The following TJP2 variants were observed in gnomAD, a reference collection of about 807,000 sequenced individuals.
TJP2 encodes Friedreich ataxia region gene X104 (tight junction protein ZO-2).
In TJP2, 91 loss-of-function variants were observed where a neutral mutation model predicts 133.1. That is an observed-to-expected ratio of 0.68 (90% CI 0.58 to 0.81). The LOEUF is 0.81. Among genes scored for constraint, TJP2 ranks in the 40% least tolerant of loss-of-function variants. TJP2 has a pLI of 0.00. For synonymous variants in TJP2, 592 were observed against 583.4 expected (o/e 1.01, Z -0.21); for missense variants, 1,541 against 1,565.6 (o/e 0.98, Z 0.26).
chr9:69,172,797 T>C (rs971432843), upstream of TJP2, among the ~76,000 whole-genome samples: 3 of 152,194 alleles, frequency 2.0e-5, no homozygotes, highest in Non-Finnish European at 4.4e-5. Context: ...GGTCTCAAAC[T>C]CGTGGGCTCA....
At chr9:69,165,133 TTC>T (rs1824281476) in intron 2 of TJP2, among the ~76,000 whole-genome samples, 2 of 151,960 alleles carry the variant, frequency 1.3e-5, no homozygotes, top group Non-Finnish European at 2.9e-5. Flanking sequence ...CCTGGCTGGA[TTC>T]TTTCTTTTTT....
rs1822240049 is a variant in TJP2 at position 69,123,774 on chromosome 9, ATC to A, written c.-131+2051_-131+2052del. ...ATTAACTAGGCATAGATGCTTGATG[ATC>A]TGTAACTCTGTGATTCTTTTAACTG... On this transcript the variant is annotated intron_variant, in intron 1 of 5. Coordinates refer to the TJP2 transcript ENST00000423935. Among the ~76,000 whole-genome samples the A allele has an allele frequency of 2.6e-5, 2 of 77,632 alleles. 1 individual carries two copies. The allele number at this position is 77,632 out of a possible 152,430, so 50.9% of individuals were successfully genotyped here.
In TJP2 at chr9:69,221,538, T is replaced by C. The variant is rs199867338; in HGVS notation, c.952+42T>C. 9.4e-5 allele frequency: 149 copies of C among 1,578,888 alleles called. No homozygotes were observed. The African/African-American group carries it at 1.7e-3, about 18-fold the overall frequency. ...TGGGAAGAAAAGCACTGTTGTGATATGAATAACCTTTGTTTTCTTAATTTT... is the reference window on the plus strand; with the variant it reads ...TGGGAAGAAAAGCACTGTTGTGATACGAATAACCTTTGTTTTCTTAATTTT... On this transcript the variant is annotated intron_variant, in intron 5 of 22. Transcript: ENST00000377245.
At chr9:69,174,258 G>A, upstream of TJP2, 1 of 1,525,200 alleles carries the variant, frequency 6.6e-7, no homozygotes, top group Non-Finnish European at 8.8e-7. Flanking sequence ...TCGGCACCCC[G>A]GCGGTTGGGC....
upstream of TJP2, chr9:69,174,227 A>C: frequency 6.8e-7 from 1 of 1,475,328 alleles, no homozygotes; most frequent in Non-Finnish European, 9.0e-7. Context: ...GAGGAGGGAC[A>C]AAGGGGTGGG....
At chr9:69,234,643 A>G (rs1830049922) in intron 12 of TJP2, 96 bp downstream of exon 12, 1 of 930,954 alleles carries the variant, frequency 1.1e-6, no homozygotes, top group Non-Finnish European at 1.7e-6. Flanking sequence ...AAATCTGGGT[A>G]TTAAAAAATT....
upstream of TJP2, among the ~76,000 whole-genome samples, chr9:69,171,993 C>T (rs1162517415): frequency 6.6e-6 from 1 of 152,004 alleles, no homozygotes; most frequent in African/African-American, 2.4e-5. Flanking sequence ...GACGGGGTCT[C>T]ACCATGTTGG....
chr9:69,228,232 T>A (rs1588112920), intron 9 of TJP2, 118 bp downstream of exon 9: 2 of 1,251,022 alleles, frequency 1.6e-6, no homozygotes, highest in Non-Finnish European at 2.3e-6. Flanking sequence ...TGGAGGCCAT[T>A]ATCCTAAGCT....
chr9:69,194,274 T>G (rs569086803), intron 1 of TJP2, among the ~76,000 whole-genome samples: 38 of 152,304 alleles, frequency 2.5e-4, no homozygotes, highest in African/African-American at 9.1e-4. Context: ...TACTATTTTT[T>G]TCTTAATACC....
At chr9:69,192,038 G>A (rs1256573097) in intron 1 of TJP2, among the ~76,000 whole-genome samples, 2 of 151,850 alleles carry the variant, frequency 1.3e-5, no homozygotes, top group African/African-American at 2.4e-5. Context: ...ATGCCCAGCC[G>A]TATGTTTTAA....
chr9:69,135,742 A>G (rs558318780), intron 1 of TJP2, among the ~76,000 whole-genome samples: 1 of 152,262 alleles, frequency 6.6e-6, no homozygotes, highest in East Asian at 1.9e-4. Flanking sequence ...AGTAGCTGGG[A>G]CTATAGGCTC....
chr9:69,157,949 G>T (rs1313548422), intron 2 of TJP2, among the ~76,000 whole-genome samples: 2 of 152,048 alleles, frequency 1.3e-5, no homozygotes, highest in Non-Finnish European at 2.9e-5. Flanking sequence ...AGGTTCTGAA[G>T]CATAATTTAA....
Position 69,237,896 on chromosome 9 carries a change from T to C in TJP2, c.2198T>C (p.Val733Ala), listed in dbSNP as rs1215998471. Reference sequence around the variant, plus strand: ...ATTTCAGCTGGTTTCAAGAGACCTGTGGTCTTATTCGGCCCCATAGCTGAT... The same window carrying C: ...ATTTCAGCTGGTTTCAAGAGACCTGCGGTCTTATTCGGCCCCATAGCTGAT... ...LLREAGFKRP[V>A]VLFGPIADIA... Residue 733 changes from valine to alanine, a missense_variant, in exon 15 of 23, where the codon GTG becomes GCG. Transcript: ENST00000377245. 6.2e-7 allele frequency: 1 copy of C among 1,613,812 alleles called. No homozygotes were observed. The highest frequency in any genetic ancestry group is 8.5e-7 in the Non-Finnish European group (1 of 1,179,738).
At chr9:69,134,928 A>G (rs1045650705) in intron 1 of TJP2, among the ~76,000 whole-genome samples, 3 of 151,656 alleles carry the variant, frequency 2.0e-5, no homozygotes, top group Non-Finnish European at 4.4e-5. Flanking sequence ...GTATGGAGAG[A>G]GAGGGAGAAG....
chr9:69,182,026 CAT>C (rs1411853081), intron 1 of TJP2, among the ~76,000 whole-genome samples: 2 of 152,202 alleles, frequency 1.3e-5, no homozygotes, highest in African/African-American at 4.8e-5. Context: ...TTGCCTGTGA[CAT>C]ACGCTTGGAA....
intron 4 of TJP2, among the ~76,000 whole-genome samples, 180 bp from the exon 5 acceptor site, chr9:69,220,707 C>A (rs1828753731): frequency 6.6e-6 from 1 of 152,240 alleles, no homozygotes; most frequent in Non-Finnish European, 1.5e-5. Flanking sequence ...GCTTCACGGT[C>A]ATTGTCCTAT....
At position 69,187,384 on chromosome 9, in the gene TJP2, C is replaced by T. The variant is rs115515574; in HGVS notation, c.60+12952C>T. ...ACTCCAGACTGTTACCAGACTTAGT[C>T]GGCTGGCTTTATATTTGTGTTGTCA... On this transcript the variant is annotated intron_variant, in intron 1 of 22. Transcript: ENST00000377245. Among the ~76,000 whole-genome samples, 1,429 of 152,286 alleles carry T rather than the reference C, an allele frequency of 9.4e-3. 29 individuals are homozygous for T. The highest frequency in any genetic ancestry group is 0.032 in the African/African-American group (1,316 of 41,554).
At chr9:69,134,956 G>C (rs889135146) in intron 1 of TJP2, among the ~76,000 whole-genome samples, 1 of 148,970 alleles carries the variant, frequency 6.7e-6, no homozygotes, top group African/African-American at 2.5e-5. Flanking sequence ...AGGAGAGAGA[G>C]AGAGAGAGAA....
chr9:69,191,627 CAAACATCATTTTG>C (rs1250538621), intron 1 of TJP2, among the ~76,000 whole-genome samples: 1 of 152,190 alleles, frequency 6.6e-6, no homozygotes, highest in Non-Finnish European at 1.5e-5. Context: ...GTCCTAAAAA[CAAACATCATTTTG>C]AGGGTGGGGA....
Sources: allele counts gnomAD v4.1 joint callset (sites outside exome capture counted in the v4.1 genomes callset), GRCh38; gene constraint gnomAD v4.1.1; transcripts MANE v1.5; gene names NCBI Gene and HGNC (gene_info 2026-07-23, HGNC 2026-07-21).